BOLA3: variants seen among roughly 807,000 people sequenced by gnomAD.
BOLA3 encodes bolA family member 3.
BOLA3 carries 8 observed loss-of-function variants against 14.5 expected under a neutral mutation model. The observed-to-expected ratio is 0.55, with a 90% CI of 0.32 to 0.99. The LOEUF is 0.99. Among genes scored for constraint, BOLA3 ranks in the 50% least tolerant of loss-of-function variants. The pLI is 0.04. For missense variants in BOLA3, 115 were observed against 138.2 expected, an observed-to-expected ratio of 0.83 and a Z score of 0.84; for synonymous variants, 42 against 45.7, an observed-to-expected ratio of 0.92 and a Z score of 0.33.
chr2:74,141,534 G>A lies in BOLA3; in HGVS notation c.258+738C>T, dbSNP rs112311937. The stretch of plus-strand genomic sequence containing the variant: ...AGAGAGAGACCAGCGGGCAGAGGCC[G>A]GCTGGGAGGGTGCACGCAGAGAAGG... On this transcript the variant is annotated intron_variant, in intron 3 of 3. Coordinates refer to ENST00000327428, the MANE Select transcript of BOLA3 (RefSeq NM_212552.3). Among the ~76,000 whole-genome samples the A allele has an allele frequency of 7.8e-3, 1,181 of 152,122 alleles. 18 individuals carry two copies. The highest frequency in any genetic ancestry group is 0.027 in the African/African-American group (1,113 of 41,474).
At chr2:74,143,742 A>G (rs541959985) in intron 2 of BOLA3, among the ~76,000 whole-genome samples, 2 of 151,756 alleles carry the variant, frequency 1.3e-5, no homozygotes, top group Admixed American at 6.6e-5. Context: ...GCTGGAGTGC[A>G]GTGGTGCAAT....
rs574437751 is a variant in BOLA3 at position 74,138,850 on chromosome 2, T to G, written c.259-3192A>C. The stretch of plus-strand genomic sequence containing the variant: ...CTGTGGTCAATGCCTCATGCAATAT[T>G]TGCCAATATGAGGCTCAAATCTCAC... On this transcript the variant is annotated intron_variant, in intron 3 of 3. Coordinates refer to ENST00000327428, the MANE Select transcript of BOLA3 (RefSeq NM_212552.3). Among the ~76,000 whole-genome samples, 6 of 152,270 alleles carry G rather than the reference T, an allele frequency of 3.9e-5. No individual in the cohort carries two copies. In the South Asian group the frequency reaches 1.2e-3, roughly 32 times the overall value.
At chr2:74,144,879 A>G (rs768135541) in intron 2 of BOLA3, among the ~76,000 whole-genome samples, 1 of 152,178 alleles carries the variant, frequency 6.6e-6, no homozygotes, top group Non-Finnish European at 1.5e-5. Flanking sequence ...AGCAAAACCT[A>G]TTCAAAGTCA....
At chr2:74,144,419 C>T (rs181754478) in intron 2 of BOLA3, among the ~76,000 whole-genome samples, 1 of 152,322 alleles carries the variant, frequency 6.6e-6, no homozygotes. Flanking sequence ...GTCAGTGAGC[C>T]CTCATGGCAA....
intron 3 of BOLA3, among the ~76,000 whole-genome samples, chr2:74,136,447 T>C (rs1327707167): frequency 6.6e-6 from 1 of 152,218 alleles, no homozygotes; most frequent in African/African-American, 2.4e-5. Context: ...ATAAAACATT[T>C]TGAGATTTTT....
chr2:74,145,679 T>C (rs1692530250), intron 1 of BOLA3: 2 of 312,182 alleles, frequency 6.4e-6, no homozygotes, highest in African/African-American at 2.2e-5. Context: ...TTCGGTAAGA[T>C]ACAGAGCCAG....
Position 74,143,349 on chromosome 2 carries a change from C to T in BOLA3, c.170-989G>A, listed in dbSNP as rs532072499. The stretch of plus-strand genomic sequence containing the variant: ...TTTTTTTTTGTATTTTTAGTAGAGA[C>T]GGGGTTTCACCGTGTTAGCCAGGAT... On this transcript the variant is annotated intron_variant, in intron 2 of 3. Coordinates refer to ENST00000327428, the MANE Select transcript of BOLA3 (RefSeq NM_212552.3). Among the ~76,000 whole-genome samples the T allele has an allele frequency of 1.8e-4, 28 of 152,044 alleles. No homozygotes were observed. The South Asian group carries it at 2.5e-3, about 14-fold the overall frequency.
rs111883855 is a variant in BOLA3 at position 74,145,995 on chromosome 2, CTT to C, written c.55-694_55-693del. On this transcript the variant is annotated intron_variant, in intron 1 of 3. Transcript: ENST00000327428. ...ATGGGGGAACCTGTGTTTGTGTTTCCTTTTTTTTTTTTTTTGAGACAGAGTTT... is the reference window on the plus strand; with the variant it reads ...ATGGGGGAACCTGTGTTTGTGTTTCCTTTTTTTTTTTTTGAGACAGAGTTT... 6.7e-4 allele frequency: 94 copies of C among 139,780 alleles called. 1 individual carries two copies. Among genetic ancestry groups the C allele is most frequent in the African/African-American group, 1.5e-3 (59 of 38,326 alleles). The allele number at this position is 139,780 out of a possible 1,614,324, so 8.7% of individuals were successfully genotyped here.
chr2:74,139,294 G>A (rs1233565913), intron 3 of BOLA3, among the ~76,000 whole-genome samples: 1 of 152,100 alleles, frequency 6.6e-6, no homozygotes, highest in East Asian at 1.9e-4. Context: ...CTACGCATAG[G>A]GTGAGTAGGC....
At chr2:74,138,059 C>A (rs372439889) in intron 3 of BOLA3, among the ~76,000 whole-genome samples, 15 of 152,334 alleles carry the variant, frequency 9.8e-5, no homozygotes, top group African/African-American at 2.9e-4. Flanking sequence ...CGCACTCCCC[C>A]TCCCTGATGC....
At chr2:74,137,165 T>A (rs113502464) in intron 3 of BOLA3, among the ~76,000 whole-genome samples, 2 of 152,252 alleles carry the variant, frequency 1.3e-5, no homozygotes, top group Non-Finnish European at 2.9e-5. Flanking sequence ...TGGTCTGATA[T>A]TGAGGTCATT....
chr2:74,139,023 C>A (rs1312505485), intron 3 of BOLA3, among the ~76,000 whole-genome samples: 1 of 152,172 alleles, frequency 6.6e-6, no homozygotes, highest in Non-Finnish European at 1.5e-5. Flanking sequence ...TAGGGCGTGG[C>A]CCACAGCAAA....
chr2:74,137,399 C>CAG (rs1692355135), intron 3 of BOLA3, among the ~76,000 whole-genome samples: 1 of 151,982 alleles, frequency 6.6e-6, no homozygotes, highest in Admixed American at 6.6e-5. Context: ...GCTGAAAGCT[C>CAG]AGAGAGAGAG....
intron 1 of BOLA3, chr2:74,147,464 G>A (rs1266652144): frequency 8.2e-5 from 25 of 304,396 alleles, no homozygotes; most frequent in African/African-American, 5.7e-4. Context: ...GCAGTCCCTC[G>A]CACCCACGCC....
At chr2:74,139,421 C>A (rs1409180579) in intron 3 of BOLA3, among the ~76,000 whole-genome samples, 2 of 150,972 alleles carry the variant, frequency 1.3e-5, no homozygotes, top group African/African-American at 4.9e-5. Flanking sequence ...CCTGAAGAGA[C>A]CAGCTGGCCC....
intron 2 of BOLA3, among the ~76,000 whole-genome samples, chr2:74,143,449 G>A (rs1024469638): frequency 5.0e-4 from 76 of 152,166 alleles, no homozygotes; most frequent in African/African-American, 1.8e-3. Flanking sequence ...GTGAGCCACC[G>A]CGCCTGGCCT....
chr2:74,142,436 T>A, intron 2 of BOLA3, 76 bp from the exon 3 acceptor site: 1 of 1,104,078 alleles, frequency 9.1e-7, no homozygotes, highest in Non-Finnish European at 1.4e-6. Flanking sequence ...CTTGAAGTAC[T>A]GTACAATCCA....
chr2:74,143,890 G>A (rs1692492517), intron 2 of BOLA3, among the ~76,000 whole-genome samples: 1 of 150,116 alleles, frequency 6.7e-6, no homozygotes, highest in African/African-American at 2.5e-5. Context: ...TTGAGATGGG[G>A]TTTCACCATG....
At chr2:74,142,195 A>G (rs1692448956) in intron 3 of BOLA3, 77 bp downstream of exon 3, 11 of 1,125,660 alleles carry the variant, frequency 9.8e-6, no homozygotes, top group Middle Eastern at 2.8e-4. Context: ...ACTGACGGCA[A>G]AAACCACCAT....
Sources: allele counts gnomAD v4.1 joint callset (sites outside exome capture counted in the v4.1 genomes callset), GRCh38; gene constraint gnomAD v4.1.1; transcripts MANE v1.5; gene names NCBI Gene and HGNC (gene_info 2026-07-23, HGNC 2026-07-21).